Variants in DNAH7 observed in about 807,000 individuals in gnomAD.
DNAH7 encodes the protein dynein axonemal heavy chain 7.
In DNAH7, 397 loss-of-function variants were observed where a neutral mutation model predicts 444.6. The observed-to-expected ratio is 0.89, with a 90% CI of 0.82 to 0.97. The LOEUF (loss-of-function observed/expected upper bound fraction) is 0.97, where lower values mean the gene tolerates loss of function less well. DNAH7 is among the 50% of genes least tolerant of loss of function. DNAH7 has a pLI of 0.00. For synonymous variants in DNAH7, 1,636 were observed against 1,624.4 expected, an observed-to-expected ratio of 1.01 and a Z score of -0.17; for missense variants, 4,902 against 4,800.8, an observed-to-expected ratio of 1.02 and a Z score of -0.62.
chr2:195,944,839 C>A (rs1002683157), intron 19 of DNAH7, among the ~76,000 whole-genome samples: 43 of 152,132 alleles, frequency 2.8e-4, no homozygotes, highest in African/African-American at 9.6e-4. Flanking sequence ...TATACCATGT[C>A]TTTTATTTCT....
chr2:195,925,334 A>T (rs1381522199), intron 22 of DNAH7, among the ~76,000 whole-genome samples: 1 of 152,186 alleles, frequency 6.6e-6, no homozygotes, highest in Non-Finnish European at 1.5e-5. Context: ...ACCTTGGAGA[A>T]ATCCCTCTGA....
At chr2:195,798,934 G>A (rs1696311865) in intron 55 of DNAH7, among the ~76,000 whole-genome samples, 1 of 152,106 alleles carries the variant, frequency 6.6e-6, no homozygotes, top group Non-Finnish European at 1.5e-5. Context: ...TGGCAGAGGG[G>A]TGGGATCAGA....
chr2:195,938,166 C>T (rs1390618288), intron 19 of DNAH7, among the ~76,000 whole-genome samples: 4 of 151,656 alleles, frequency 2.6e-5, no homozygotes, highest in Admixed American at 6.6e-5. Context: ...TTTTGGATTA[C>T]AACAATGCAA....
intron 5 of DNAH7, among the ~76,000 whole-genome samples, chr2:196,046,760 C>T (rs1463858506): frequency 7.4e-6 from 1 of 135,902 alleles, no homozygotes; most frequent in Non-Finnish European, 1.6e-5. Context: ...GAGTGAGTTA[C>T]TTACCACAAT....
chr2:195,937,523 A>T (rs572705882), intron 19 of DNAH7, among the ~76,000 whole-genome samples: 1 of 152,230 alleles, frequency 6.6e-6, no homozygotes, highest in Non-Finnish European at 1.5e-5. Context: ...TATTCAAAAT[A>T]AGAATTATAA....
Position 195,960,498 on chromosome 2 carries a change from T to C in DNAH7, c.2653A>G (p.Ile885Val), listed in dbSNP as rs772087265. 6.2e-6 allele frequency: 10 copies of C among 1,614,206 alleles called. No individual in the cohort carries two copies. The highest frequency in any genetic ancestry group is 1.3e-5 in the African/African-American group (1 of 75,062). The change falls in exon 18 of 65, where the codon ATA becomes GTA. Residue 885 changes from isoleucine (I) to valine (V), a missense_variant. Coordinates refer to ENST00000312428, the MANE Select transcript of DNAH7 (RefSeq NM_018897.3). ...TCACTAATACCTTCAAATCGGTCTATATATGGTTCCAGATTCATGTCTAAA... is the reference window on the plus strand; with the variant it reads ...TCACTAATACCTTCAAATCGGTCTACATATGGTTCCAGATTCATGTCTAAA... ...SFLDMNLEPYIDRFEGISEAA... is the reference protein window; with the variant it reads ...SFLDMNLEPYVDRFEGISEAA...
intron 9 of DNAH7, 94 bp downstream of exon 9, chr2:196,019,076 C>G: frequency 4.9e-6 from 6 of 1,226,292 alleles, no homozygotes; most frequent in Non-Finnish European, 6.3e-6. Flanking sequence ...TAATGTTTTA[C>G]TTTGCAGTTA....
Position 195,760,822 on chromosome 2 carries a change from G to A in DNAH7, c.11434-4537C>T, listed in dbSNP as rs76327970. Among the ~76,000 whole-genome samples, 24 of 152,158 alleles carry A rather than the reference G, an allele frequency of 1.6e-4. 1 individual carries two copies. In the East Asian group the frequency reaches 4.5e-3, roughly 28 times the overall value. On this transcript the variant is annotated intron_variant, in intron 61 of 64. Transcript: ENST00000312428. The stretch of plus-strand genomic sequence containing the variant: ...TCTGGAAAGCCTTCCCAAGAAGCAT[G>A]GGTACAAACAAGCCCAGACTGCAAA...
At chr2:195,796,077 C>T (rs567533763) in intron 56 of DNAH7, among the ~76,000 whole-genome samples, 22 of 152,130 alleles carry the variant, frequency 1.4e-4, no homozygotes, top group Non-Finnish European at 2.8e-4. Flanking sequence ...AGTCCCACGA[C>T]CCACTGCAAG....
At chr2:196,047,852 T>C (rs962187731) in intron 4 of DNAH7, among the ~76,000 whole-genome samples, 3 of 151,908 alleles carry the variant, frequency 2.0e-5, no homozygotes, top group Admixed American at 1.3e-4. Flanking sequence ...TGACAAAAAG[T>C]TAATATTAAC....
At chr2:195,913,828 G>A (rs544920678) in intron 24 of DNAH7, among the ~76,000 whole-genome samples, 1 of 152,312 alleles carries the variant, frequency 6.6e-6, no homozygotes, top group African/African-American at 2.4e-5. Flanking sequence ...CGATTCTCCT[G>A]CCTCAGCCTC....
chr2:195,876,675 T>A lies in DNAH7; in HGVS notation c.5986A>T (p.Lys1996Ter). Residue 1996 changes from lysine (K) to a stop codon, truncating the protein, a stop_gained, in exon 37 of 65, where the codon AAG becomes TAG. Coordinates refer to ENST00000312428, the MANE Select transcript of DNAH7 (RefSeq NM_018897.3). LOFTEE classifies it high-confidence loss of function. ...ATTAGCAGAGGTTTGTAGATTTCCT[T>A]ATTTAGTTGATTTAAAAGAAAATTC... ...ITNFLLNQLN[K>*]EIYKPLLINF... The A allele has an allele frequency of 6.2e-7, 1 of 1,600,180 alleles. No homozygotes were observed. Among genetic ancestry groups the A allele is most frequent in the Non-Finnish European group, 8.5e-7 (1 of 1,170,702 alleles).
chr2:195,817,759 T>G lies in DNAH7; in HGVS notation c.9362A>C (p.Gln3121Pro). 3 of 1,613,480 alleles carry G rather than the reference T, an allele frequency of 1.9e-6. No homozygotes were observed. Among genetic ancestry groups the G allele is most frequent in the South Asian group, 2.2e-5 (2 of 90,946 alleles). ...TTCTTCTTCAAGGTCTGGCCTTTCT[T>G]GTGCCACCACAATTCCCAGAAGCTG... ...QDQLLGIVVA[Q>P]ERPDLEEEKQ... The change falls in exon 50 of 65, where the codon CAA (glutamine) becomes CCA (proline). Residue 3121 changes from glutamine (Q) to proline (P), a missense_variant. Physicochemically the swap from Gln to Pro is moderately conservative, Grantham distance 76 (BLOSUM62 -1). Transcript: ENST00000312428.
At chr2:195,991,938 G>C (rs974271610) in intron 12 of DNAH7, among the ~76,000 whole-genome samples, 1 of 152,088 alleles carries the variant, frequency 6.6e-6, no homozygotes, top group African/African-American at 2.4e-5. Flanking sequence ...CCCAGCAACC[G>C]GAAAAATCTT....
rs1410707581 is a variant in DNAH7, at chr2:195,886,136, CTTACCTCAAGCAAAGA to C, written c.5527_5538+4del. Reference sequence around the variant, plus strand: ...TAGCAGGATACAGAAGGCAACGGACCTTACCTCAAGCAAAGAGTAAGTTTCTCGATCATTTCTCTCC... The same window carrying C: ...TAGCAGGATACAGAAGGCAACGGACCGTAAGTTTCTCGATCATTTCTCTCC... On this transcript the variant is annotated splice_donor_variant and splice_donor_region_variant and coding_sequence_variant and intron_variant, in exon 34 of 65. Coordinates refer to ENST00000312428, the MANE Select transcript of DNAH7 (RefSeq NM_018897.3). LOFTEE classifies it high-confidence loss of function. The C allele has an allele frequency of 1.2e-6, 2 of 1,612,160 alleles. No individual in the cohort carries two copies. Among genetic ancestry groups the C allele is most frequent in the East Asian group, 4.5e-5 (2 of 44,762 alleles).
intron 21 of DNAH7, 122 bp from the exon 22 acceptor site, chr2:195,926,688 G>T: frequency 1.2e-6 from 1 of 849,776 alleles, no homozygotes; most frequent in Non-Finnish European, 1.7e-6. Context: ...AGACATTTAT[G>T]CAAGACTCAC....
At chr2:196,062,790 CCAT>C (rs1334422501) in intron 1 of DNAH7, among the ~76,000 whole-genome samples, 6 of 152,204 alleles carry the variant, frequency 3.9e-5, no homozygotes, top group Admixed American at 3.9e-4. Context: ...TACAGAACTC[CCAT>C]CAACATTCAA....
chr2:195,874,922 G>T (rs1700959488), intron 38 of DNAH7, among the ~76,000 whole-genome samples: 1 of 152,280 alleles, frequency 6.6e-6, no homozygotes, highest in Non-Finnish European at 1.5e-5. Context: ...AAAGGTCAGG[G>T]TTAGGGAGCA....
chr2:195,793,355 C>T (rs1348634406), intron 57 of DNAH7, among the ~76,000 whole-genome samples: 3 of 152,148 alleles, frequency 2.0e-5, no homozygotes, highest in Non-Finnish European at 2.9e-5. Context: ...GGTTTTCGTT[C>T]GGGCTGTGTT....
Sources: allele counts gnomAD v4.1 joint callset (sites outside exome capture counted in the v4.1 genomes callset), GRCh38; gene constraint gnomAD v4.1.1; transcripts MANE v1.5; gene names NCBI Gene and HGNC (gene_info 2026-07-23, HGNC 2026-07-21).